ARHGEF10: variants seen among roughly 807,000 people sequenced by gnomAD.
The protein encoded by ARHGEF10 is Rho guanine nucleotide exchange factor (GEF) 10.
ARHGEF10 carries 140 observed loss-of-function variants against 147.4 expected under a neutral mutation model. That is an observed-to-expected ratio of 0.95 (90% CI 0.83 to 1.09). The LOEUF (loss-of-function observed/expected upper bound fraction) is 1.09. ARHGEF10 is among the 50% of genes least tolerant of loss of function. The pLI, the probability that ARHGEF10 is intolerant of heterozygous loss-of-function variation, is 0.00. For synonymous variants in ARHGEF10, 902 were observed against 695.8 expected, an observed-to-expected ratio of 1.30 and a Z score of -4.67; for missense variants, 2,222 against 1,752.7, an observed-to-expected ratio of 1.27 and a Z score of -4.78.
chr8:1,885,934 T>C (rs2129133440), intron 11 of ARHGEF10, among the ~76,000 whole-genome samples: 1 of 152,322 alleles, frequency 6.6e-6, no homozygotes, highest in East Asian at 1.9e-4. Context: ...CAGGCCCTTC[T>C]GGTCCTTAAA....
intron 5 of ARHGEF10, 30 bp downstream of exon 5, chr8:1,864,466 G>T: frequency 6.2e-7 from 1 of 1,603,528 alleles, no homozygotes; most frequent in South Asian, 1.1e-5. Context: ...CACACCTGCT[G>T]AATTCCCGCC....
intron 18 of ARHGEF10, among the ~76,000 whole-genome samples, chr8:1,920,848 G>A (rs1812229789): frequency 6.7e-6 from 1 of 149,144 alleles, no homozygotes; most frequent in Non-Finnish European, 1.5e-5. Flanking sequence ...GCAATGGCAT[G>A]ATCTTGGCTC....
chr8:1,829,085 G>C (rs944375251), intron 1 of ARHGEF10, among the ~76,000 whole-genome samples: 11 of 152,236 alleles, frequency 7.2e-5, no homozygotes, highest in African/African-American at 2.4e-4. Context: ...CAGCACACCT[G>C]GGGGGCGGCC....
chr8:1,841,836 ACGGGAACT>A (rs1804064709), intron 1 of ARHGEF10, among the ~76,000 whole-genome samples: 1 of 74,720 alleles, frequency 1.3e-5, no homozygotes, highest in Admixed American at 1.3e-4. Flanking sequence ...TGGGGCCGCG[ACGGGAACT>A]GGGGCCGCGG....
chr8:1,824,390 G>T (rs1202585440), intron 1 of ARHGEF10, among the ~76,000 whole-genome samples: 2 of 152,020 alleles, frequency 1.3e-5, no homozygotes, highest in Non-Finnish European at 2.9e-5. Flanking sequence ...AGGGGCAGGA[G>T]CGAACTCCGA....
In ARHGEF10 at chr8:1,882,694, G is replaced by A. The variant is rs367702329; in HGVS notation, c.1020G>A (p.Arg340=). The change falls in exon 10 of 29, where the codon AGG becomes AGA. Residue 340 remains arginine, a synonymous_variant. Transcript: ENST00000349830. ...CCAAGGACGGGCTGGAGAGGACCAG[G>A]GCAGCCGTGAAGAGGGGCCGCTCCT... is the stretch of plus-strand genomic sequence containing the variant. ...DGTKDGLERT[R]AAVKRGRSFI... 7.7e-6 allele frequency: 12 copies of A among 1,557,316 alleles called. No individual in the cohort carries two copies. The South Asian group carries it at 8.3e-5, about 11-fold the overall frequency.
At chr8:1,888,724 A>G (rs13252312) in intron 11 of ARHGEF10, among the ~76,000 whole-genome samples, 1,890 of 17,874 alleles carry the variant, frequency 0.11, 593 homozygotes, top group East Asian at 0.61. Flanking sequence ...GACACTGAAT[A>G]GGGTGAGGTT....
intron 1 of ARHGEF10, among the ~76,000 whole-genome samples, chr8:1,834,273 C>G (rs1178237515): frequency 2.6e-5 from 4 of 152,230 alleles, no homozygotes; most frequent in South Asian, 2.1e-4. Flanking sequence ...TTATAAAGCC[C>G]TTGCGAGACT....
intron 18 of ARHGEF10, among the ~76,000 whole-genome samples, chr8:1,915,737 C>G (rs761209846): frequency 2.6e-5 from 4 of 152,234 alleles, no homozygotes; most frequent in Non-Finnish European, 5.9e-5. Flanking sequence ...AACTCTCTGT[C>G]TTTAGGAGCT....
rs757352435 is a variant in ARHGEF10 at position 1,882,792 on chromosome 8, G to C, written c.1075+43G>C. The C allele has an allele frequency of 1.6e-5, 20 of 1,255,178 alleles. 1 individual carries two copies. Among genetic ancestry groups the C allele is most frequent in the East Asian group, 3.0e-5 (1 of 33,496 alleles). 77.8% of individuals were successfully genotyped at this position (1,255,178 alleles called of 1,614,324 possible). The stretch of plus-strand genomic sequence containing the variant: ...TTCTTGCGGGGAGGACACGGGGTTG[G>C]GGGGGGCGGCCACATCTTGTGGGGA... On this transcript the variant is annotated intron_variant, in intron 10 of 28. Transcript: ENST00000349830.
intron 17 of ARHGEF10, among the ~76,000 whole-genome samples, chr8:1,907,185 G>A (rs949017622): frequency 6.6e-6 from 1 of 152,178 alleles, no homozygotes; most frequent in Non-Finnish European, 1.5e-5. Context: ...CGTTTCCCTG[G>A]TGTTATGAGG....
chr8:1,859,354 C>T (rs111548682), intron 3 of ARHGEF10, among the ~76,000 whole-genome samples: 6 of 140,138 alleles, frequency 4.3e-5, no homozygotes, highest in Non-Finnish European at 9.4e-5. Context: ...ACCAGCCTCT[C>T]GGTTGTTTGC....
intron 15 of ARHGEF10, among the ~76,000 whole-genome samples, chr8:1,898,885 G>T (rs564555912): frequency 6.6e-6 from 1 of 152,318 alleles, no homozygotes; most frequent in East Asian, 1.9e-4. Flanking sequence ...CCCTTCTCCA[G>T]TGTGTCTGTG....
intron 28 of ARHGEF10, among the ~76,000 whole-genome samples, chr8:1,953,200 TGTTGTGAAGAAGGAA>T: frequency 6.9e-6 from 1 of 144,428 alleles, no homozygotes; most frequent in Non-Finnish European, 1.5e-5. Context: ...CTGTATTTTA[TGTTGTGAAGAAGGAA>T]GCCGGGATCT....
rs147521979 is a variant in ARHGEF10, at chr8:1,837,137, G to C, written c.-47-6216G>C. ...ACTAATTTGGAAGGAAATTTTTGGAGTTTACAGTCTGCCTGAGACTTGTGT... is the reference window on the plus strand; with the variant it reads ...ACTAATTTGGAAGGAAATTTTTGGACTTTACAGTCTGCCTGAGACTTGTGT... On this transcript the variant is annotated intron_variant, in intron 1 of 28. Coordinates refer to ENST00000349830, the MANE Select transcript of ARHGEF10 (RefSeq NM_014629.4). 9.5e-3 allele frequency among the ~76,000 whole-genome samples: 1,445 copies of C among 152,370 alleles called. 29 individuals are homozygous for C. The highest frequency in any genetic ancestry group is 0.033 in the African/African-American group (1,356 of 41,594).
chr8:1,873,096 C>G (rs1807271509), intron 7 of ARHGEF10, among the ~76,000 whole-genome samples: 1 of 152,200 alleles, frequency 6.6e-6, no homozygotes, highest in Non-Finnish European at 1.5e-5. Flanking sequence ...CCAGTGTGTC[C>G]CCTTTGTAAG....
intron 12 of ARHGEF10, among the ~76,000 whole-genome samples, chr8:1,894,098 C>T (rs750772810): frequency 2.9e-4 from 43 of 150,456 alleles, no homozygotes; most frequent in Admixed American, 1.2e-3. Context: ...TGCTTGAACC[C>T]GGGAGGCAGA....
chr8:1,876,633 G>C lies in ARHGEF10; in HGVS notation c.742G>C (p.Gly248Arg). 1.2e-6 allele frequency: 2 copies of C among 1,614,194 alleles called. No homozygotes were observed. The highest frequency in any genetic ancestry group is 1.7e-6 in the Non-Finnish European group (2 of 1,180,016). ...AGGTGGAAACAGCTCCTTGGAATAC[G>C]GATGGAGTTCGAGTGAATTTGAAAG... The part of the protein sequence containing the change: ...DEGGNSSLEY[G>R]WSSSEFESYE... Residue 248 changes from glycine to arginine, a missense_variant, in exon 8 of 29, where the codon GGA becomes CGA. By Grantham distance (125) the Gly-to-Arg change is moderately radical. Transcript: ENST00000349830.
At chr8:1,945,714 T>C (rs762501652) in intron 27 of ARHGEF10, 59 bp downstream of exon 27, 326 of 1,602,670 alleles carry the variant, frequency 2.0e-4, no homozygotes, top group Non-Finnish European at 2.7e-4. Flanking sequence ...ACGTGGGGGG[T>C]GCGGAGCGCT....
Sources: allele counts gnomAD v4.1 joint callset (sites outside exome capture counted in the v4.1 genomes callset), GRCh38; gene constraint gnomAD v4.1.1; transcripts MANE v1.5; gene names NCBI Gene and HGNC (gene_info 2026-07-23, HGNC 2026-07-21).